Variants in CTIF observed in about 807,000 individuals in gnomAD.
CTIF encodes cap binding complex dependent translation initiation factor.
CTIF carries 21 observed loss-of-function variants against 66.0 expected under a neutral mutation model. The ratio of observed to expected loss-of-function variants is 0.32; its 90% CI spans 0.23 to 0.46. The LOEUF is 0.46. Ranked by LOEUF, CTIF falls within the 20% of genes least tolerant of loss-of-function variation. The probability of loss-of-function intolerance (pLI) is 1.00; values close to 1 mark genes in which losing one functional copy is unlikely to be tolerated. For synonymous variants in CTIF, 345 were observed against 326.4 expected, an observed-to-expected ratio of 1.06 and a Z score of -0.62; for missense variants, 739 against 812.7, an observed-to-expected ratio of 0.91 and a Z score of 1.10.
intron 3 of CTIF, among the ~76,000 whole-genome samples, chr18:48,654,033 A>T (rs1417710385): frequency 2.6e-5 from 4 of 152,162 alleles, no homozygotes; most frequent in Non-Finnish European, 5.9e-5. Context: ...CTAGAAGAAA[A>T]CCTAGGCAAT....
chr18:48,733,197 T>C (rs2145683257), intron 7 of CTIF, among the ~76,000 whole-genome samples: 1 of 151,750 alleles, frequency 6.6e-6, no homozygotes, highest in South Asian at 2.1e-4. Flanking sequence ...CTTTTTCAAG[T>C]TTGTGGATTA....
chr18:48,793,950 A>G (rs554040760), intron 9 of CTIF, among the ~76,000 whole-genome samples: 20 of 152,172 alleles, frequency 1.3e-4, no homozygotes, highest in Non-Finnish European at 2.6e-4. Flanking sequence ...ATGCCCGCAC[A>G]GTGCTGGCAG....
At chr18:48,551,117 G>T (rs184458216) in intron 1 of CTIF, among the ~76,000 whole-genome samples, 1 of 149,410 alleles carries the variant, frequency 6.7e-6, no homozygotes, top group African/African-American at 2.5e-5. Context: ...ATGAGAGTGG[G>T]CCCTAATCTA....
chr18:48,829,554 G>C (rs1353677285), intron 10 of CTIF, among the ~76,000 whole-genome samples: 1 of 152,130 alleles, frequency 6.6e-6, no homozygotes, highest in East Asian at 1.9e-4. Flanking sequence ...CCCGACCTCC[G>C]TGCTTCCCAG....
intron 7 of CTIF, among the ~76,000 whole-genome samples, chr18:48,732,726 A>C (rs1013016431): frequency 1.2e-4 from 19 of 152,150 alleles, no homozygotes; most frequent in African/African-American, 4.3e-4. Flanking sequence ...TCCTCCAGAC[A>C]ATATGGCCTG....
chr18:48,656,682 C>T (rs1051823278), intron 3 of CTIF, among the ~76,000 whole-genome samples: 37 of 152,132 alleles, frequency 2.4e-4, no homozygotes, highest in African/African-American at 7.2e-4. Context: ...ATGGGGCCCC[C>T]TAATTGCCAA....
chr18:48,660,210 G>C lies in CTIF; in HGVS notation c.253-3542G>C, dbSNP rs1294057070. On this transcript the variant is annotated intron_variant, in intron 3 of 11. Coordinates refer to ENST00000256413, the MANE Select transcript of CTIF (RefSeq NM_014772.3). ...TATGTTCCCTGAGTTGTTGTAAGGAGCTGTGGGGATTCAATGAGGAAAATG... is the reference window on the plus strand; with the variant it reads ...TATGTTCCCTGAGTTGTTGTAAGGACCTGTGGGGATTCAATGAGGAAAATG... Among the ~76,000 whole-genome samples the C allele has an allele frequency of 3.3e-5, 5 of 151,502 alleles. No individual in the cohort carries two copies. The East Asian group carries it at 9.7e-4, about 29-fold the overall frequency.
chr18:48,607,347 T>C (rs2090222013), intron 1 of CTIF, among the ~76,000 whole-genome samples: 1 of 152,180 alleles, frequency 6.6e-6, no homozygotes, highest in South Asian at 2.1e-4. Context: ...CTTCAGGCAT[T>C]GTGTGGGATA....
At chr18:48,771,199 T>C (rs949757457) in intron 9 of CTIF, among the ~76,000 whole-genome samples, 5 of 152,242 alleles carry the variant, frequency 3.3e-5, no homozygotes, top group Non-Finnish European at 7.3e-5. Flanking sequence ...CATGTGTCCC[T>C]TTCATGAAGT....
chr18:48,860,109 C>T lies in CTIF; in HGVS notation c.*550C>T, dbSNP rs1055078103. 10 of 375,800 alleles carry T rather than the reference C, an allele frequency of 2.7e-5. No homozygotes were observed. Among genetic ancestry groups the T allele is most frequent in the African/African-American group, 6.3e-5 (3 of 47,632 alleles). The allele number at this position is 375,800 out of a possible 1,614,324, so 23.3% of individuals were successfully genotyped here. A position where few individuals can be genotyped will look rare whatever the true frequency, so the allele number is the denominator to read the frequency against. On this transcript the variant is annotated 3_prime_UTR_variant, in exon 12 of 12. Transcript: ENST00000256413. ...GTCCCCACCAGCCGCCCGTAATTGA[C>T]GGCCTTTGTCAGCCATGGCAGAGCT... is the stretch of plus-strand genomic sequence containing the variant.
intron 6 of CTIF, among the ~76,000 whole-genome samples, chr18:48,704,052 C>G (rs936129558): frequency 4.6e-5 from 7 of 152,166 alleles, no homozygotes; most frequent in African/African-American, 1.7e-4. Flanking sequence ...GAGGGAGGGA[C>G]TTGCTCTTGT....
chr18:48,657,213 T>C (rs997560487), intron 3 of CTIF, among the ~76,000 whole-genome samples: 2 of 152,228 alleles, frequency 1.3e-5, no homozygotes, highest in African/African-American at 4.8e-5. Flanking sequence ...GAAAGAAATA[T>C]TGCATACTCC....
chr18:48,690,460 C>G (rs1241433075), intron 6 of CTIF, among the ~76,000 whole-genome samples: 3 of 152,234 alleles, frequency 2.0e-5, no homozygotes, highest in East Asian at 3.9e-4. Flanking sequence ...CACGGTCATC[C>G]CAATCCAGCC....
At chr18:48,645,495 C>A (rs2091013997) in intron 3 of CTIF, among the ~76,000 whole-genome samples, 1 of 152,186 alleles carries the variant, frequency 6.6e-6, no homozygotes, top group African/African-American at 2.4e-5. Context: ...TCAGATCCCA[C>A]CCCTGCTGGG....
intron 6 of CTIF, among the ~76,000 whole-genome samples, chr18:48,702,049 C>T (rs182216652): frequency 1.3e-5 from 2 of 152,320 alleles, no homozygotes; most frequent in Admixed American, 1.3e-4. Context: ...CAAATATTTT[C>T]ATCCTCATTT....
rs1039878935 is a variant in CTIF at position 48,860,125 on chromosome 18, T to C, written c.*566T>C. The C allele has an allele frequency of 1.1e-5, 4 of 371,984 alleles. No individual in the cohort carries two copies. The highest frequency in any genetic ancestry group is 2.2e-5 in the Non-Finnish European group (4 of 184,734). 23.0% of individuals were successfully genotyped at this position (371,984 alleles called of 1,614,324 possible). ...CGTAATTGACGGCCTTTGTCAGCCATGGCAGAGCTGACGCTCCACCTCCCA... is the reference window on the plus strand; with the variant it reads ...CGTAATTGACGGCCTTTGTCAGCCACGGCAGAGCTGACGCTCCACCTCCCA... On this transcript the variant is annotated 3_prime_UTR_variant, in exon 12 of 12. Coordinates refer to ENST00000256413, the MANE Select transcript of CTIF (RefSeq NM_014772.3).
At chr18:48,567,594 T>C (rs750005848) in intron 1 of CTIF, 46 of 152,278 alleles carry the variant, frequency 3.0e-4, no homozygotes, top group Middle Eastern at 3.4e-3. Context: ...GGGCCTGAGA[T>C]CACTATGGAA....
intron 1 of CTIF, among the ~76,000 whole-genome samples, chr18:48,597,385 C>G (rs914317676): frequency 6.6e-6 from 1 of 152,194 alleles, no homozygotes; most frequent in Non-Finnish European, 1.5e-5. Context: ...TATGTGTCCC[C>G]TCTCAATCTC....
At chr18:48,786,802 C>A (rs78127660) in intron 9 of CTIF, among the ~76,000 whole-genome samples, 4,324 of 152,206 alleles carry the variant, frequency 0.028, 99 homozygotes, top group Non-Finnish European at 0.047. Flanking sequence ...CTCACCCCAG[C>A]CCAGGGGTCC....
Sources: gnomAD v4.1 joint callset for allele counts (sites outside exome capture counted in the v4.1 genomes callset) on GRCh38, gnomAD v4.1.1 for gene constraint, MANE v1.5 for transcripts, NCBI Gene and HGNC (gene_info 2026-07-23, HGNC 2026-07-21) for gene names.